The following ARB2A variants were observed in gnomAD, a reference collection of about 807,000 sequenced individuals.
ARB2A encodes the protein cotranscriptional regulator ARB2A.
chr5:93,674,869 A>G, the ARB2A span, among the ~76,000 whole-genome samples: 11 of 152,210 alleles, frequency 7.2e-5, no homozygotes, highest in East Asian at 1.9e-4. Flanking sequence ...AAGGAACATT[A>G]TTTGTGCAGA....
At chr5:94,030,951 C>T in the ARB2A span, among the ~76,000 whole-genome samples, 1 of 152,202 alleles carries the variant, frequency 6.6e-6, no homozygotes, top group Non-Finnish European at 1.5e-5. Flanking sequence ...AGAAGCCAAA[C>T]AGACAATGGC....
At chr5:93,960,632 G>A in the ARB2A span, among the ~76,000 whole-genome samples, 11 of 152,240 alleles carry the variant, frequency 7.2e-5, no homozygotes, top group African/African-American at 2.6e-4. Context: ...CCTCACCAGT[G>A]ACTTCCTTTA....
At chr5:94,049,226 AGGT>A in the ARB2A span, among the ~76,000 whole-genome samples, 1 of 152,208 alleles carries the variant, frequency 6.6e-6, no homozygotes, top group African/African-American at 2.4e-5. Context: ...ACATTTTCAA[AGGT>A]TCCTACAAGC....
the ARB2A span, among the ~76,000 whole-genome samples, chr5:93,758,476 A>G: frequency 1.3e-5 from 2 of 152,216 alleles, no homozygotes; most frequent in African/African-American, 4.8e-5. Context: ...AACTTTCTCT[A>G]AGATAGACCA....
chr5:93,930,978 C>T, the ARB2A span, among the ~76,000 whole-genome samples: 1 of 152,160 alleles, frequency 6.6e-6, no homozygotes, highest in Non-Finnish European at 1.5e-5. Context: ...CCAATGCTCT[C>T]CCTCCCCTTG....
chr5:93,865,692 T>C, the ARB2A span: 2 of 985,300 alleles, frequency 2.0e-6, no homozygotes, highest in Non-Finnish European at 2.4e-6. Flanking sequence ...CTCTTCTTAA[T>C]AATATGACAT....
the ARB2A span, among the ~76,000 whole-genome samples, chr5:93,838,043 C>T: frequency 5.3e-5 from 8 of 152,126 alleles, no homozygotes; most frequent in South Asian, 6.2e-4. Flanking sequence ...GCTTTTGTTG[C>T]GATTGCTTTT....
chr5:94,093,995 C>T, the ARB2A span, among the ~76,000 whole-genome samples: 1 of 152,134 alleles, frequency 6.6e-6, no homozygotes, highest in Non-Finnish European at 1.5e-5. Flanking sequence ...AAATTCCACT[C>T]CATCATTAAG....
At chr5:94,003,866 A>G in the ARB2A span, among the ~76,000 whole-genome samples, 7 of 152,280 alleles carry the variant, frequency 4.6e-5, no homozygotes, top group Admixed American at 4.6e-4. Flanking sequence ...TTATATGGAA[A>G]GAAAAAGGAA....
the ARB2A span, among the ~76,000 whole-genome samples, chr5:93,916,669 T>C: frequency 5.9e-5 from 9 of 152,096 alleles, no homozygotes; most frequent in African/African-American, 9.7e-5. Flanking sequence ...TGTAAATTAT[T>C]AGCCCCCTTC....
At chr5:93,659,136 G>A in the ARB2A span, among the ~76,000 whole-genome samples, 1 of 152,036 alleles carries the variant, frequency 6.6e-6, no homozygotes, top group South Asian at 2.1e-4. Flanking sequence ...AACCTGTGAT[G>A]CTATATAAAA....
At chr5:93,893,711 T>C in the ARB2A span, among the ~76,000 whole-genome samples, 2 of 152,220 alleles carry the variant, frequency 1.3e-5, no homozygotes, top group Admixed American at 1.3e-4. Flanking sequence ...ATATCCATTG[T>C]CTGGTCCTAT....
chr5:93,946,871 G>A, the ARB2A span, among the ~76,000 whole-genome samples: 1 of 151,972 alleles, frequency 6.6e-6, no homozygotes, highest in Non-Finnish European at 1.5e-5. Context: ...CATGATTTAT[G>A]CTTTTACTCT....
chr5:94,039,781 C>G, the ARB2A span, among the ~76,000 whole-genome samples: 2 of 152,150 alleles, frequency 1.3e-5, no homozygotes, highest in Non-Finnish European at 2.9e-5. Context: ...AGTGCAGAAA[C>G]TCCCAAACCA....
chr5:93,964,246 T>C, the ARB2A span, among the ~76,000 whole-genome samples: 1 of 152,016 alleles, frequency 6.6e-6, no homozygotes, highest in Admixed American at 6.6e-5. Flanking sequence ...TTTTACTTTA[T>C]ACTGAAGAGT....
chr5:93,744,255 T>A, the ARB2A span, among the ~76,000 whole-genome samples: 6 of 151,372 alleles, frequency 4.0e-5, no homozygotes, highest in Non-Finnish European at 8.8e-5. Flanking sequence ...ACCAATCTGG[T>A]GAAACCCCGT....
the ARB2A span, among the ~76,000 whole-genome samples, chr5:93,726,046 G>T: frequency 6.6e-6 from 1 of 152,020 alleles, no homozygotes; most frequent in Non-Finnish European, 1.5e-5. Context: ...CTAACATTGA[G>T]GTCTATTTCA....
chr5:93,741,537 G>A, the ARB2A span: 2 of 1,592,516 alleles, frequency 1.3e-6, no homozygotes, highest in Non-Finnish European at 8.5e-7. Flanking sequence ...GGGGGCAGAA[G>A]TGGTTTGAGG....
At chr5:94,044,091 T>A in the ARB2A span, among the ~76,000 whole-genome samples, 1 of 152,226 alleles carries the variant, frequency 6.6e-6, no homozygotes, top group African/African-American at 2.4e-5. Context: ...GGTCTCTGAC[T>A]GCTACTCAGA....
Sources: allele counts gnomAD v4.1 joint callset (sites outside exome capture counted in the v4.1 genomes callset), GRCh38; gene constraint gnomAD v4.1.1; transcripts MANE v1.5; gene names NCBI Gene and HGNC (gene_info 2026-07-23, HGNC 2026-07-21).